GRID2: variants seen among roughly 807,000 people sequenced by gnomAD.
The protein encoded by GRID2 is glutamate receptor ionotropic, delta-2.
GRID2 carries 33 observed loss-of-function variants against 114.8 expected under a neutral mutation model. That is an observed-to-expected ratio of 0.29 (90% confidence interval 0.22 to 0.38). The LOEUF (loss-of-function observed/expected upper bound fraction) is 0.38, where lower values mean the gene tolerates loss of function less well. GRID2 is among the 10% of genes least tolerant of loss of function. The pLI is 1.00. For synonymous variants in GRID2, 505 were observed against 449.9 expected (o/e 1.12, Z -1.55); for missense variants, 1,184 against 1,257.7 (o/e 0.94, Z 0.89).
chr4:92,357,788 C>G (rs1328995084), intron 1 of GRID2, among the ~76,000 whole-genome samples: 1 of 151,732 alleles, frequency 6.6e-6, no homozygotes, highest in Non-Finnish European at 1.5e-5. Context: ...ATTTTAAATA[C>G]AGTTTTAAAA....
intron 13 of GRID2, among the ~76,000 whole-genome samples, chr4:93,596,222 A>C (rs145653563): frequency 4.1e-3 from 626 of 152,358 alleles, no homozygotes; most frequent in Non-Finnish European, 7.4e-3. Flanking sequence ...ATGTACAATA[A>C]ATTCTTCTTA....
At chr4:92,742,337 A>G (rs1016186454) in intron 2 of GRID2, among the ~76,000 whole-genome samples, 3 of 152,054 alleles carry the variant, frequency 2.0e-5, no homozygotes, top group Admixed American at 6.6e-5. Flanking sequence ...TCTCTGGACT[A>G]TAGTTAACTT....
intron 4 of GRID2, among the ~76,000 whole-genome samples, chr4:93,197,469 CAT>C (rs1170692616): frequency 5.9e-5 from 9 of 152,166 alleles, no homozygotes; most frequent in African/African-American, 2.2e-4. Flanking sequence ...TATAAAAACA[CAT>C]AGTGTCATAC....
intron 2 of GRID2, among the ~76,000 whole-genome samples, chr4:92,982,669 C>T (rs1754290175): frequency 6.6e-6 from 1 of 151,966 alleles, no homozygotes; most frequent in South Asian, 2.1e-4. Context: ...CATTTGATTC[C>T]CCACATTGCC....
intron 2 of GRID2, among the ~76,000 whole-genome samples, chr4:92,698,802 T>C (rs1266481628): frequency 6.6e-6 from 1 of 152,132 alleles, no homozygotes; most frequent in Non-Finnish European, 1.5e-5. Flanking sequence ...AAGTGTTTCT[T>C]ATATTCATCA....
At chr4:93,462,403 T>A (rs1304574556) in intron 11 of GRID2, among the ~76,000 whole-genome samples, 2 of 152,084 alleles carry the variant, frequency 1.3e-5, no homozygotes, top group Non-Finnish European at 2.9e-5. Flanking sequence ...ATCAAATAGC[T>A]CCACAGATGC....
intron 14 of GRID2, among the ~76,000 whole-genome samples, chr4:93,705,689 G>A (rs1187014872): frequency 6.6e-6 from 1 of 152,038 alleles, no homozygotes; most frequent in Non-Finnish European, 1.5e-5. Context: ...TTAACTTGAT[G>A]CAATCCCTTT....
At position 93,098,460 on chromosome 4, in the gene GRID2, T is replaced by G. The variant is rs755246086; in HGVS notation, c.530-12288T>G. Among the ~76,000 whole-genome samples the G allele has an allele frequency of 7.2e-5, 11 of 152,090 alleles. No homozygotes were observed. In the South Asian group the frequency reaches 1.0e-3, roughly 14 times the overall value. The stretch of plus-strand genomic sequence containing the variant: ...ATCTGACAATGGCTAGATGCCATAA[T>G]AAAAGAGTCTTGCAACTGAAATAAT... On this transcript the variant is annotated intron_variant, in intron 3 of 15. Transcript: ENST00000282020.
At chr4:92,725,193 T>A (rs1380974646) in intron 2 of GRID2, among the ~76,000 whole-genome samples, 1 of 151,978 alleles carries the variant, frequency 6.6e-6, no homozygotes, top group East Asian at 1.9e-4. Context: ...CCTAGCTACT[T>A]GGGAGGCTGA....
At chr4:92,551,986 T>A (rs749502467) in intron 1 of GRID2, among the ~76,000 whole-genome samples, 8 of 151,878 alleles carry the variant, frequency 5.3e-5, no homozygotes, top group African/African-American at 1.9e-4. Flanking sequence ...AAAATAGTAA[T>A]AAGAACACTA....
chr4:93,729,803 A>G (rs530582702), intron 14 of GRID2, among the ~76,000 whole-genome samples: 1 of 152,266 alleles, frequency 6.6e-6, no homozygotes, highest in East Asian at 1.9e-4. Flanking sequence ...AAGCTAAGTT[A>G]GGAGCTTCTT....
intron 1 of GRID2, among the ~76,000 whole-genome samples, chr4:92,540,435 C>A (rs1016197575): frequency 6.6e-6 from 1 of 151,934 alleles, no homozygotes; most frequent in Non-Finnish European, 1.5e-5. Flanking sequence ...ACATAGAACT[C>A]AAACAAATTT....
intron 2 of GRID2, among the ~76,000 whole-genome samples, chr4:92,901,324 A>G (rs1157380164): frequency 6.6e-6 from 1 of 152,126 alleles, no homozygotes; most frequent in Non-Finnish European, 1.5e-5. Flanking sequence ...TCAGATGGTA[A>G]GTGGTGCTGA....
intron 2 of GRID2, among the ~76,000 whole-genome samples, chr4:92,916,843 G>A (rs1402293705): frequency 2.6e-5 from 4 of 152,118 alleles, no homozygotes; most frequent in Non-Finnish European, 4.4e-5. Flanking sequence ...TGTCTTTATA[G>A]CAGCATGATT....
At chr4:93,656,829 CAAAAAAA>C (rs61508444) in intron 14 of GRID2, among the ~76,000 whole-genome samples, 3 of 31,902 alleles carry the variant, frequency 9.4e-5, no homozygotes, top group Non-Finnish European at 1.8e-4. Context: ...GACTCTGCCT[CAAAAAAA>C]AAAAAAAAAA....
chr4:92,349,222 T>C (rs1028245749), intron 1 of GRID2, among the ~76,000 whole-genome samples: 1 of 152,004 alleles, frequency 6.6e-6, no homozygotes, highest in Non-Finnish European at 1.5e-5. Flanking sequence ...ATAACACAAT[T>C]ATATGTTTAT....
chr4:93,619,935 C>T lies in GRID2; in HGVS notation c.2194-6334C>T, dbSNP rs116627813. ...GGCAAAGGCTATTCTATGTCACATG[C>T]TTTTGCATTCCTATGGAGAATCTCC... is the stretch of plus-strand genomic sequence containing the variant. On this transcript the variant is annotated intron_variant, in intron 13 of 15. Coordinates refer to ENST00000282020, the MANE Select transcript of GRID2 (RefSeq NM_001510.4). Among the ~76,000 whole-genome samples the T allele has an allele frequency of 8.0e-3, 1,221 of 152,294 alleles. 17 individuals carry two copies. The highest frequency in any genetic ancestry group is 0.027 in the African/African-American group (1,139 of 41,570).
intron 2 of GRID2, among the ~76,000 whole-genome samples, chr4:92,894,323 A>G (rs930450273): frequency 6.6e-6 from 1 of 152,100 alleles, no homozygotes; most frequent in Non-Finnish European, 1.5e-5. Flanking sequence ...GTGACTGAAT[A>G]TGATATTTTT....
chr4:92,924,689 A>T (rs1301121908), intron 2 of GRID2, among the ~76,000 whole-genome samples: 1 of 152,186 alleles, frequency 6.6e-6, no homozygotes, highest in African/African-American at 2.4e-5. Flanking sequence ...ACACAGCATG[A>T]CAACATATGC....
Sources: allele counts gnomAD v4.1 joint callset (sites outside exome capture counted in the v4.1 genomes callset), GRCh38; gene constraint gnomAD v4.1.1; transcripts MANE v1.5; gene names NCBI Gene and HGNC (gene_info 2026-07-23, HGNC 2026-07-21).